Variants in GABRB2 observed in about 807,000 individuals in gnomAD.
The protein encoded by GABRB2 is gamma-aminobutyric acid receptor subunit beta-2.
A neutral mutation model predicts 54.7 loss-of-function variants in GABRB2; 16 were observed. The observed-to-expected ratio is 0.29, with a 90% CI of 0.20 to 0.44. GABRB2 has a LOEUF of 0.44. Among genes scored for constraint, GABRB2 ranks in the 20% least tolerant of loss-of-function variants. GABRB2 has a pLI of 1.00. For synonymous variants in GABRB2, 244 were observed against 233.8 expected (o/e 1.04, Z -0.40); for missense variants, 355 against 644.0 (o/e 0.55, Z 4.86).
chr5:161,461,939 G>A (rs982013208), intron 3 of GABRB2, among the ~76,000 whole-genome samples: 2 of 152,048 alleles, frequency 1.3e-5, no homozygotes, highest in African/African-American at 4.8e-5. Flanking sequence ...CCTTTGTTGA[G>A]ATTTATACAT....
Position 161,477,631 on chromosome 5 carries a change from A to G in GABRB2, c.238-17787T>C, listed in dbSNP as rs1465547045. ...ACAACGGCATGTTTTTCAGCCTTAA[A>G]AAGATAGATATTCTGACACATGCTA... On this transcript the variant is annotated intron_variant, in intron 3 of 9. Transcript: ENST00000393959. 5.3e-5 allele frequency among the ~76,000 whole-genome samples: 8 copies of G among 152,068 alleles called. No individual in the cohort carries two copies. The South Asian group carries it at 1.0e-3, about 20-fold the overall frequency.
At chr5:161,326,323 C>T (rs1187551881) in intron 9 of GABRB2, 45 bp downstream of exon 9, 1 of 1,605,490 alleles carries the variant, frequency 6.2e-7, no homozygotes, top group African/African-American at 1.3e-5. Flanking sequence ...ACAAATTGGC[C>T]CCAACAGAAA....
intron 3 of GABRB2, among the ~76,000 whole-genome samples, chr5:161,500,206 A>G (rs1247283368): frequency 6.6e-6 from 1 of 152,164 alleles, no homozygotes; most frequent in African/African-American, 2.4e-5. Context: ...ACTACTACTT[A>G]CTGTGTGTCC....
chr5:161,318,858 C>T (rs1430042882), intron 9 of GABRB2, among the ~76,000 whole-genome samples: 1 of 151,798 alleles, frequency 6.6e-6, no homozygotes, highest in Non-Finnish European at 1.5e-5. Context: ...TTTAAAAAAA[C>T]ACAAAGTTTT....
At chr5:161,538,593 G>C (rs1760716268) in intron 3 of GABRB2, among the ~76,000 whole-genome samples, 1 of 152,356 alleles carries the variant, frequency 6.6e-6, no homozygotes, top group South Asian at 2.1e-4. Flanking sequence ...GAGGCCAAGG[G>C]TGGGGAAATC....
intron 5 of GABRB2, among the ~76,000 whole-genome samples, chr5:161,398,874 G>A (rs1561636583): frequency 1.3e-5 from 2 of 152,054 alleles, no homozygotes; most frequent in African/African-American, 2.4e-5. Context: ...ATTTTTAGTA[G>A]AGACTGGGTT....
chr5:161,332,228 A>G (rs1457881786), intron 7 of GABRB2, among the ~76,000 whole-genome samples: 1 of 151,520 alleles, frequency 6.6e-6, no homozygotes, highest in Non-Finnish European at 1.5e-5. Flanking sequence ...CAACTGAATG[A>G]TGGAAGTGAA....
intron 3 of GABRB2, among the ~76,000 whole-genome samples, chr5:161,516,852 A>C (rs902258537): frequency 6.6e-6 from 1 of 152,164 alleles, no homozygotes; most frequent in African/African-American, 2.4e-5. Flanking sequence ...AAAGATGGAA[A>C]TAAAGCTCTG....
At chr5:161,440,846 G>A (rs1159943663) in intron 4 of GABRB2, among the ~76,000 whole-genome samples, 1 of 152,040 alleles carries the variant, frequency 6.6e-6, no homozygotes, top group Admixed American at 6.6e-5. Context: ...TTTGACAAAG[G>A]TGCCTATAAC....
chr5:161,314,135 T>C (rs1054518525), intron 9 of GABRB2, among the ~76,000 whole-genome samples: 2 of 152,228 alleles, frequency 1.3e-5, no homozygotes, highest in African/African-American at 4.8e-5. Flanking sequence ...GATCACGGGC[T>C]AAGGAAATCT....
intron 3 of GABRB2, among the ~76,000 whole-genome samples, chr5:161,493,842 T>A (rs2113359274): frequency 6.6e-6 from 1 of 151,816 alleles, no homozygotes; most frequent in African/African-American, 2.4e-5. Context: ...TTATATTATA[T>A]TTTTTGCCTT....
chr5:161,299,596 A>G (rs1306463823), intron 9 of GABRB2, among the ~76,000 whole-genome samples: 3 of 151,902 alleles, frequency 2.0e-5, no homozygotes, highest in East Asian at 1.9e-4. Context: ...ACAGTATATT[A>G]TCTTCCTTCC....
intron 5 of GABRB2, among the ~76,000 whole-genome samples, chr5:161,401,520 C>A (rs1212289010): frequency 6.6e-6 from 1 of 151,998 alleles, no homozygotes; most frequent in Non-Finnish European, 1.5e-5. Context: ...ATAGTGATAC[C>A]TTATAAAATA....
intron 3 of GABRB2, among the ~76,000 whole-genome samples, chr5:161,496,003 C>A (rs1283914875): frequency 6.6e-6 from 1 of 152,112 alleles, no homozygotes; most frequent in Non-Finnish European, 1.5e-5. Flanking sequence ...ATAACCCACA[C>A]GGGAAGGTGG....
chr5:161,299,122 C>T (rs1219221473), intron 9 of GABRB2, among the ~76,000 whole-genome samples: 3 of 152,162 alleles, frequency 2.0e-5, no homozygotes, highest in African/African-American at 7.2e-5. Flanking sequence ...AGAATGTCTA[C>T]AGTTAAATAT....
chr5:161,532,473 G>C (rs527435537), intron 3 of GABRB2, among the ~76,000 whole-genome samples: 2 of 152,168 alleles, frequency 1.3e-5, no homozygotes, highest in South Asian at 4.2e-4. Flanking sequence ...CTACTGACTC[G>C]GATTCTGGTG....
At position 161,454,092 on chromosome 5, in the gene GABRB2, T is replaced by A. The variant is rs111876482; in HGVS notation, c.458+5532A>T. Among the ~76,000 whole-genome samples the A allele has an allele frequency of 3.5e-3, 523 of 151,370 alleles. 4 individuals carry two copies. Among genetic ancestry groups the A allele is most frequent in the African/African-American group, 0.012 (487 of 41,254 alleles). On this transcript the variant is annotated intron_variant, in intron 4 of 9. Coordinates refer to ENST00000393959, the MANE Select transcript of GABRB2 (RefSeq NM_001371727.1). ...TTATTCCTGAAATTCCTGAAGCTCT[T>A]CAAATAAAGTTAAGAAAATGGAGGA... is the stretch of plus-strand genomic sequence containing the variant.
chr5:161,382,712 T>A (rs1244120199), intron 5 of GABRB2, among the ~76,000 whole-genome samples: 2 of 150,800 alleles, frequency 1.3e-5, no homozygotes. Flanking sequence ...ATGTGACTTG[T>A]TATGTGTCTG....
At chr5:161,430,457 G>A (rs1339177777) in intron 4 of GABRB2, among the ~76,000 whole-genome samples, 3 of 152,056 alleles carry the variant, frequency 2.0e-5, no homozygotes, top group African/African-American at 7.2e-5. Context: ...ACATGCCTTG[G>A]GTAGCTACCC....
Sources: allele counts gnomAD v4.1 joint callset (sites outside exome capture counted in the v4.1 genomes callset), GRCh38; gene constraint gnomAD v4.1.1; transcripts MANE v1.5; gene names NCBI Gene and HGNC (gene_info 2026-07-23, HGNC 2026-07-21).